The following CIBAR2 variants were observed in gnomAD, a reference collection of about 807,000 sequenced individuals.
CIBAR2 encodes the protein CBY1-interacting BAR domain-containing protein 2.
Under a neutral mutation model 36.2 loss-of-function variants are expected in CIBAR2, and 38 were observed. The observed-to-expected ratio is 1.05, with a 90% confidence interval of 0.81 to 1.38. CIBAR2 has a LOEUF of 1.38. CIBAR2 is among the 40% of genes most tolerant of loss of function. The pLI, the probability that CIBAR2 is intolerant of heterozygous loss-of-function variation, is 0.00. For synonymous variants in CIBAR2, 182 were observed against 149.5 expected (o/e 1.22, Z -1.58); for missense variants, 481 against 383.4 (o/e 1.25, Z -2.13).
At chr16:85,100,846 G>A (rs1278411151) in intron 7 of CIBAR2, among the ~76,000 whole-genome samples, 1 of 152,148 alleles carries the variant, frequency 6.6e-6, no homozygotes, top group African/African-American at 2.4e-5. Context: ...AGGAGATCAA[G>A]ACCATCCTGG....
At position 85,099,319 on chromosome 16, in the gene CIBAR2, C is replaced by A. The variant is rs999155595; in HGVS notation, c.781G>T (p.Ala261Ser). 1.9e-6 allele frequency: 3 copies of A among 1,602,484 alleles called. No individual in the cohort carries two copies. The African/African-American group carries it at 4.0e-5, about 21-fold the overall frequency. The stretch of plus-strand genomic sequence containing the variant: ...TGAGGATGTTCAGGGTCTTCATTTG[C>A]CCTACTCAGCTGGACCTGCAGAGTT... ...QGTLQVQLSR[A>S]NEDPEHPHAN... is the part of the protein sequence containing the mutation. The change falls in exon 9 of 9, where the codon GCA (alanine) becomes TCA (serine). Residue 261 changes from alanine (A) to serine (S), a missense_variant. Ala to Ser is a moderately conservative substitution (Grantham distance 99, BLOSUM62 1). Coordinates refer to ENST00000539556, the MANE Select transcript of CIBAR2 (RefSeq NM_198491.3).
At chr16:85,107,326 G>A (rs1332132795) in intron 5 of CIBAR2, among the ~76,000 whole-genome samples, 1 of 152,098 alleles carries the variant, frequency 6.6e-6, no homozygotes, top group African/African-American at 2.4e-5. Flanking sequence ...TCCACCTGCT[G>A]TGCCCCACGA....
In CIBAR2 at chr16:85,099,362, T is replaced by C. The variant is rs377477174; in HGVS notation, c.754-16A>G. 7.2e-6 allele frequency: 10 copies of C among 1,381,096 alleles called. No homozygotes were observed. Among genetic ancestry groups the C allele is most frequent in the Middle Eastern group, 1.8e-4 (1 of 5,666 alleles). The allele number at this position is 1,381,096 out of a possible 1,614,324, so 85.6% of individuals were successfully genotyped here. A position where few individuals can be genotyped will look rare whatever the true frequency, so the allele number is the denominator to read the frequency against. Reference sequence around the variant, plus strand: ...GCAGAGTTCCCTGCAGAAATATAAATGCACCTGATGGCAGGCCTTCCTGGG... The same window carrying C: ...GCAGAGTTCCCTGCAGAAATATAAACGCACCTGATGGCAGGCCTTCCTGGG... On this transcript the variant is annotated splice_polypyrimidine_tract_variant and intron_variant, in intron 8 of 8. Transcript: ENST00000539556.
Position 85,110,392 on chromosome 16 carries a change from G to C in CIBAR2, c.89C>G (p.Ser30Trp), listed in dbSNP as rs753091695. Residue 30 changes from serine (S) to tryptophan (W), a missense_variant, in exon 2 of 9, where the codon TCG (serine) becomes TGG (tryptophan). Ser to Trp is a radical substitution (Grantham distance 177). Transcript: ENST00000539556. ...CTTGCGCGTGTAGGCGGCCAGCAGC[G>C]AGCAGAACTGCCCAAAGTACTTCTC... Reference protein sequence around the residue: ...NTEKYFGQFCSLLAAYTRKTA... With the variant: ...NTEKYFGQFCWLLAAYTRKTA... The C allele has an allele frequency of 6.2e-7, 1 of 1,613,434 alleles. No individual in the cohort carries two copies. Among genetic ancestry groups the C allele is most frequent in the East Asian group, 2.2e-5 (1 of 44,870 alleles).
chr16:85,102,934 C>A (rs1389474067), intron 6 of CIBAR2, among the ~76,000 whole-genome samples: 1 of 151,374 alleles, frequency 6.6e-6, no homozygotes, highest in South Asian at 2.1e-4. Context: ...TGGAGTCTCC[C>A]TCTGTCACCC....
chr16:85,099,209 G>T lies in CIBAR2; in HGVS notation c.891C>A (p.Leu297=). The change falls in exon 9 of 9, where the codon CTC becomes CTA. Residue 297 remains leucine, a synonymous_variant. Transcript: ENST00000539556. ...GTTAGAGAGAATGTCCTGGAAGCAT[G>T]AGATGCCCACCCTGCCCACACACAC... ...AHCVCGQGGH[L]MLPGHSL The T allele has an allele frequency of 1.3e-6, 2 of 1,598,002 alleles. No homozygotes were observed. The highest frequency in any genetic ancestry group is 1.7e-6 in the Non-Finnish European group (2 of 1,173,046).
At chr16:85,109,094 G>T (rs914416332) in intron 2 of CIBAR2, among the ~76,000 whole-genome samples, 2 of 151,652 alleles carry the variant, frequency 1.3e-5, no homozygotes, top group Admixed American at 1.3e-4. Flanking sequence ...GCCGTGAGAA[G>T]TTTTATTTTT....
intron 1 of CIBAR2, among the ~76,000 whole-genome samples, chr16:85,111,519 T>C (rs1012861216): frequency 6.6e-6 from 1 of 152,060 alleles, no homozygotes; most frequent in Non-Finnish European, 1.5e-5. Context: ...TGCACCAGAA[T>C]CCCTGGGAGG....
At chr16:85,109,068 A>C (rs1227057081) in intron 2 of CIBAR2, among the ~76,000 whole-genome samples, 2 of 151,872 alleles carry the variant, frequency 1.3e-5, no homozygotes, top group African/African-American at 2.4e-5. Flanking sequence ...AAGTTCTGCC[A>C]CCTGCTTGTC....
At position 85,098,942 on chromosome 16, in the gene CIBAR2, T is replaced by G; in HGVS notation, c.*243A>C. 2.4e-6 allele frequency: 1 copy of G among 425,260 alleles called. No homozygotes were observed. Among genetic ancestry groups the G allele is most frequent in the Non-Finnish European group, 3.9e-6 (1 of 257,088 alleles). The allele number at this position is 425,260 out of a possible 1,614,324, so 26.3% of individuals were successfully genotyped here. On this transcript the variant is annotated 3_prime_UTR_variant, in exon 9 of 9. Coordinates refer to ENST00000539556, the MANE Select transcript of CIBAR2 (RefSeq NM_198491.3). ...GGCTCGGACCAAGAAATAGATAGCA[T>G]AAAGAAAAACAATCAAAACTTCAGG...
At chr16:85,108,297 G>A (rs1404994023) in intron 2 of CIBAR2, among the ~76,000 whole-genome samples, 198 bp from the exon 3 acceptor site, 1 of 152,206 alleles carries the variant, frequency 6.6e-6, no homozygotes, top group Non-Finnish European at 1.5e-5. Flanking sequence ...CCTCCCGAGG[G>A]CTCCAGCAAC....
chr16:85,111,799 G>A (rs375024942), intron 1 of CIBAR2, among the ~76,000 whole-genome samples: 29 of 152,234 alleles, frequency 1.9e-4, no homozygotes, highest in African/African-American at 6.3e-4. Context: ...AGCCGAGATC[G>A]AGATGGCACC....
At chr16:85,107,595 C>CT in intron 5 of CIBAR2, 72 bp downstream of exon 5, 1 of 1,541,806 alleles carries the variant, frequency 6.5e-7, no homozygotes. Context: ...TAAAGTCTAC[C>CT]TGGCCGTTTT....
intron 1 of CIBAR2, among the ~76,000 whole-genome samples, chr16:85,110,720 T>TTTTC: frequency 7.4e-6 from 1 of 135,470 alleles, no homozygotes; most frequent in Non-Finnish European, 1.6e-5. Context: ...TTTTTTTTTT[T>TTTTC]TGGAGACAGA....
In CIBAR2 at chr16:85,102,167, ACT is replaced by A. The variant is rs760056661; in HGVS notation, c.651+45_651+46del. 1.1e-5 allele frequency: 12 copies of A among 1,059,798 alleles called. No homozygotes were observed. In the South Asian group the frequency reaches 1.3e-4, roughly 12 times the overall value. 65.6% of individuals were successfully genotyped at this position (1,059,798 alleles called of 1,614,324 possible). On this transcript the variant is annotated intron_variant, in intron 7 of 8. Coordinates refer to ENST00000539556, the MANE Select transcript of CIBAR2 (RefSeq NM_198491.3). ...TCTATCAAGACAAAACCAAAATGAA[ACT>A]CTGCCCCACTCCACCATATAGGAAA... is the stretch of plus-strand genomic sequence containing the variant.
chr16:85,102,342 A>T lies in CIBAR2; in HGVS notation c.538-15T>A. On this transcript the variant is annotated splice_polypyrimidine_tract_variant and intron_variant, in intron 6 of 8. Transcript: ENST00000539556. ...CAAAAAAATTTCTGTGGGGAGAGAAACCCAAAGAATGTAAGCATCGCAGTG... is the reference window on the plus strand; with the variant it reads ...CAAAAAAATTTCTGTGGGGAGAGAATCCCAAAGAATGTAAGCATCGCAGTG... 2 of 1,479,950 alleles carry T rather than the reference A, an allele frequency of 1.4e-6. No homozygotes were observed. Among genetic ancestry groups the T allele is most frequent in the South Asian group, 2.3e-5 (2 of 88,390 alleles). 91.7% of individuals were successfully genotyped at this position (1,479,950 alleles called of 1,614,324 possible).
chr16:85,099,010 G>C lies in CIBAR2; in HGVS notation c.*175C>G. 1 of 693,616 alleles carries C rather than the reference G, an allele frequency of 1.4e-6. No homozygotes were observed. Among genetic ancestry groups the C allele is most frequent in the East Asian group, 3.4e-5 (1 of 29,482 alleles). 43.0% of individuals were successfully genotyped at this position (693,616 alleles called of 1,614,324 possible). A position where few individuals can be genotyped will look rare whatever the true frequency, so the allele number is the denominator to read the frequency against. On this transcript the variant is annotated 3_prime_UTR_variant, in exon 9 of 9. Coordinates refer to ENST00000539556, the MANE Select transcript of CIBAR2 (RefSeq NM_198491.3). ...ACAGAAATGCAAAATGCTCTGGAAA[G>C]TCTCAGCAACAGAATTGAACAAGTA...
At chr16:85,100,261 T>C in intron 7 of CIBAR2, 21 bp from the exon 8 acceptor site, 1 of 1,467,598 alleles carries the variant, frequency 6.8e-7, no homozygotes, top group Non-Finnish European at 9.5e-7. Flanking sequence ...GAGACCAGGG[T>C]GGGTGGGATC....
intron 6 of CIBAR2, among the ~76,000 whole-genome samples, chr16:85,105,061 A>G (rs1008198971): frequency 2.0e-5 from 3 of 152,224 alleles, no homozygotes; most frequent in Non-Finnish European, 4.4e-5. Context: ...CTTCCTGGCT[A>G]GGAGCTGGAC....
Sources: gnomAD v4.1 joint callset for allele counts (sites outside exome capture counted in the v4.1 genomes callset) on GRCh38, gnomAD v4.1.1 for gene constraint, MANE v1.5 for transcripts, NCBI Gene and HGNC (gene_info 2026-07-23, HGNC 2026-07-21) for gene names.